The following BRD7 variants were observed in gnomAD, a reference collection of about 807,000 sequenced individuals.
BRD7 encodes bromodomain containing 7, also known as bromodomain-containing protein 7.
In BRD7, 15 loss-of-function variants were observed where a neutral mutation model predicts 82.1. The observed-to-expected ratio is 0.18, with a 90% CI of 0.12 to 0.28. The LOEUF (loss-of-function observed/expected upper bound fraction) is 0.28. BRD7 is among the 10% of genes least tolerant of loss of function. The probability of loss-of-function intolerance (pLI) is 1.00; values close to 1 mark genes in which losing one functional copy is unlikely to be tolerated. For synonymous variants in BRD7, 232 were observed against 266.9 expected, an observed-to-expected ratio of 0.87 and a Z score of 1.27; for missense variants, 638 against 779.9, an observed-to-expected ratio of 0.82 and a Z score of 2.17.
At chr16:50,356,922 C>G (rs1167506712) in intron 2 of BRD7, among the ~76,000 whole-genome samples, 1 of 152,134 alleles carries the variant, frequency 6.6e-6, no homozygotes, top group Non-Finnish European at 1.5e-5. Flanking sequence ...TCAACAGGAT[C>G]TTATGGACTC....
chr16:50,331,666 C>T (rs2037572028), intron 8 of BRD7, among the ~76,000 whole-genome samples: 1 of 152,212 alleles, frequency 6.6e-6, no homozygotes, highest in South Asian at 2.1e-4. Flanking sequence ...TGTGCCACTG[C>T]ACACTCCAGC....
At chr16:50,360,732 A>G (rs1477369170) in intron 2 of BRD7, among the ~76,000 whole-genome samples, 1 of 152,220 alleles carries the variant, frequency 6.6e-6, no homozygotes, top group African/African-American at 2.4e-5. Flanking sequence ...GTCTGGCCAG[A>G]TAATAGGTGT....
intron 6 of BRD7, among the ~76,000 whole-genome samples, chr16:50,337,913 G>A (rs1049372382): frequency 2.0e-5 from 3 of 151,920 alleles, no homozygotes; most frequent in East Asian, 1.9e-4. Context: ...AAGAAAGAGG[G>A]AGAGAGGGAA....
Position 50,357,373 on chromosome 16 carries a change from T to C in BRD7, c.259-2451A>G, listed in dbSNP as rs141151654. Among the ~76,000 whole-genome samples the C allele has an allele frequency of 5.3e-5, 8 of 152,356 alleles. No homozygotes were observed. In the East Asian group the frequency reaches 1.2e-3, roughly 22 times the overall value. The stretch of plus-strand genomic sequence containing the variant: ...GAGCAGTTATAAACTGAACTCATGC[T>C]TGATCCCAGCTACCACTGTTAGTTG... On this transcript the variant is annotated intron_variant, in intron 2 of 16. Transcript: ENST00000394688.
At chr16:50,339,915 G>C (rs1392831031) in intron 6 of BRD7, 61 bp downstream of exon 6, 3 of 968,842 alleles carry the variant, frequency 3.1e-6, no homozygotes, top group African/African-American at 3.4e-5. Flanking sequence ...GTATTACTAT[G>C]GCCAACAAAC....
At chr16:50,365,000 T>C (rs965599162) in intron 2 of BRD7, among the ~76,000 whole-genome samples, 3 of 152,090 alleles carry the variant, frequency 2.0e-5, no homozygotes, top group Admixed American at 6.5e-5. Flanking sequence ...GTCAACACAC[T>C]TGGGAGACGG....
At chr16:50,345,050 T>C (rs1213814242) in intron 5 of BRD7, among the ~76,000 whole-genome samples, 2 of 152,176 alleles carry the variant, frequency 1.3e-5, no homozygotes, top group Non-Finnish European at 2.9e-5. Flanking sequence ...GGGAAGCCCA[T>C]CAGACTAACA....
chr16:50,323,773 T>C (rs1259897855), intron 11 of BRD7, 75 bp from the exon 12 acceptor site: 2 of 1,045,530 alleles, frequency 1.9e-6, no homozygotes, highest in Non-Finnish European at 3.0e-6. Flanking sequence ...GCCAACTGTT[T>C]CCACTAGATG....
At position 50,368,810 on chromosome 16, in the gene BRD7, G is replaced by A. The variant is rs202129313; in HGVS notation, c.-36C>T. 1.6e-4 allele frequency: 236 copies of A among 1,469,772 alleles called. No homozygotes were observed. In the African/African-American group the frequency reaches 3.2e-3, roughly 20 times the overall value. The allele number at this position is 1,469,772 out of a possible 1,614,324, so 91.0% of individuals were successfully genotyped here. A position where few individuals can be genotyped will look rare whatever the true frequency, so the allele number is the denominator to read the frequency against. On this transcript the variant is annotated 5_prime_UTR_variant, in exon 1 of 17. Coordinates refer to ENST00000394688, the MANE Select transcript of BRD7 (RefSeq NM_013263.5). ...GCCCCGGTGCCCGCCCCCCGCGCCA[G>A]GCCCAGGCCGTGCGGCGCCGCTTCC... is the stretch of plus-strand genomic sequence containing the variant.
chr16:50,356,126 T>C (rs1343727825), intron 2 of BRD7, among the ~76,000 whole-genome samples: 3 of 152,238 alleles, frequency 2.0e-5, no homozygotes, highest in African/African-American at 7.2e-5. Flanking sequence ...TTCGCCTCTC[T>C]TTGGCAACAT....
intron 7 of BRD7, among the ~76,000 whole-genome samples, chr16:50,334,150 G>C (rs1251196249): frequency 6.6e-6 from 1 of 152,224 alleles, no homozygotes; most frequent in East Asian, 1.9e-4. Flanking sequence ...CCTCCCCAAA[G>C]TTGGCAGTGA....
At chr16:50,356,504 A>G (rs9924970) in intron 2 of BRD7, among the ~76,000 whole-genome samples, 150,686 of 152,306 alleles carry the variant, frequency 0.99, 74,562 homozygotes, top group Middle Eastern at 1. Context: ...ACAATGTCTG[A>G]AGAAAAGTTG....
chr16:50,349,167 G>A (rs913224644), intron 5 of BRD7: 4 of 167,648 alleles, frequency 2.4e-5, no homozygotes, highest in South Asian at 1.3e-4. Flanking sequence ...AACACCGCAC[G>A]TTCTCCCTCA....
rs772477059 is a variant in BRD7 at position 50,320,679 on chromosome 16, T to G, written c.1596A>C (p.Glu532Asp). 53 of 1,613,828 alleles carry G rather than the reference T, an allele frequency of 3.3e-5. No individual in the cohort carries two copies. Among genetic ancestry groups the G allele is most frequent in the Non-Finnish European group, 4.4e-5 (52 of 1,179,898 alleles). Reference sequence around the variant, plus strand: ...GACACTTACCTTCAGAGTCAAAAACTTCAACTGGAACGCCAAAATTTGTTA... The same window carrying G: ...GACACTTACCTTCAGAGTCAAAAACGTCAACTGGAACGCCAAAATTTGTTA... ...KAVTNFGVPVEVFDSEEAEIF... is the reference protein window; with the variant it reads ...KAVTNFGVPVDVFDSEEAEIF... The change falls in exon 14 of 17, where the codon GAA (glutamate) becomes GAC (aspartate). Residue 532 changes from glutamate to aspartate, a missense_variant. This residue lies in a region of BRD7 where 402 missense variants were observed against 500.8 expected (regional missense o/e 0.80). Coordinates refer to ENST00000394688, the MANE Select transcript of BRD7 (RefSeq NM_013263.5).
chr16:50,329,954 TCCCCC>T (rs1445418331), intron 8 of BRD7, among the ~76,000 whole-genome samples: 1 of 152,100 alleles, frequency 6.6e-6, no homozygotes. Flanking sequence ...TGTTTGGCTG[TCCCCC>T]CTTCCTCTTG....
chr16:50,356,410 GATTA>G (rs2038733336), intron 2 of BRD7, among the ~76,000 whole-genome samples: 1 of 152,114 alleles, frequency 6.6e-6, no homozygotes, highest in African/African-American at 2.4e-5. Flanking sequence ...AAGGAAAATA[GATTA>G]ATAAATTGTG....
rs2036924270 is a variant in BRD7 at position 50,318,469 on chromosome 16, A to G, written c.*742T>C. On this transcript the variant is annotated 3_prime_UTR_variant, in exon 17 of 17. Coordinates refer to ENST00000394688, the MANE Select transcript of BRD7 (RefSeq NM_013263.5). Reference sequence around the variant, plus strand: ...ATAACAGGTTCTATACCGATTCAGCAAAATCACCATTTATCTCAGCTTGCT... The same window carrying G: ...ATAACAGGTTCTATACCGATTCAGCGAAATCACCATTTATCTCAGCTTGCT... 6.6e-6 allele frequency: 1 copy of G among 152,200 alleles called. No homozygotes were observed. The highest frequency in any genetic ancestry group is 1.5e-5 in the Non-Finnish European group (1 of 68,040). 9.4% of individuals were successfully genotyped at this position (152,200 alleles called of 1,614,324 possible).
intron 4 of BRD7, among the ~76,000 whole-genome samples, chr16:50,352,887 C>T (rs191633875): frequency 4.4e-4 from 67 of 152,114 alleles, no homozygotes; most frequent in African/African-American, 1.6e-3. Flanking sequence ...TCTGGCCTTA[C>T]GTTGCAAGAA....
At chr16:50,333,995 C>T (rs1270572153) in intron 7 of BRD7, among the ~76,000 whole-genome samples, 1 of 152,138 alleles carries the variant, frequency 6.6e-6, no homozygotes, top group Non-Finnish European at 1.5e-5. Flanking sequence ...GAAGGGAGAA[C>T]AATATACCAT....
Sources: gnomAD v4.1 joint callset for allele counts (sites outside exome capture counted in the v4.1 genomes callset) on GRCh38, gnomAD v4.1.1 for gene constraint, gnomAD v4.1.1 regional missense constraint, MANE v1.5 for transcripts, NCBI Gene and HGNC (gene_info 2026-07-23, HGNC 2026-07-21) for gene names.